Variants in PTPRS observed in about 807,000 individuals in gnomAD.
PTPRS encodes receptor-type tyrosine-protein phosphatase S.
PTPRS carries 63 observed loss-of-function variants against 215.3 expected under a neutral mutation model. The observed-to-expected ratio is 0.29, with a 90% CI of 0.24 to 0.36. The LOEUF (loss-of-function observed/expected upper bound fraction) is 0.36, where lower values mean the gene tolerates loss of function less well. Ranked by LOEUF, PTPRS falls within the 10% of genes least tolerant of loss-of-function variation. PTPRS has a pLI of 1.00. For synonymous variants in PTPRS, 1,404 were observed against 1,191.4 expected (o/e 1.18, Z -3.68); for missense variants, 2,258 against 2,825.8 (o/e 0.80, Z 4.56).
chr19:5,252,742 A>G (rs1317773261), intron 9 of PTPRS, among the ~76,000 whole-genome samples: 1 of 151,144 alleles, frequency 6.6e-6, no homozygotes, highest in Admixed American at 6.6e-5. Flanking sequence ...GGCGTGGTGG[A>G]GGGCAACTGT....
In PTPRS at chr19:5,244,889, C is replaced by T. The variant is rs922840985; in HGVS notation, c.989-407G>A. On this transcript the variant is annotated intron_variant, in intron 10 of 37. Coordinates refer to ENST00000262963, the MANE Select transcript of PTPRS (RefSeq NM_002850.4). The surrounding 1 kb of genome is among the most constrained non-coding windows in gnomAD (Gnocchi z 7.2). The stretch of plus-strand genomic sequence containing the variant: ...TTCACTGTGTTAGCCAGGATGGTCT[C>T]GATCTCCTGACCTCGTGATCCGCCC... Among the ~76,000 whole-genome samples, 2 of 151,952 alleles carry T rather than the reference C, an allele frequency of 1.3e-5. No homozygotes were observed. Among genetic ancestry groups the T allele is most frequent in the Non-Finnish European group, 2.9e-5 (2 of 67,970 alleles).
Position 5,215,362 on chromosome 19 carries a change from C to T in PTPRS, c.4245G>A (p.Val1415=), listed in dbSNP as rs763267222. The T allele has an allele frequency of 2.5e-6, 4 of 1,613,958 alleles. No individual in the cohort carries two copies. The highest frequency in any genetic ancestry group is 1.3e-5 in the African/African-American group (1 of 74,932). ...TGGCATAGCGGTTCTTCGGCTTGTT[C>T]ACTTCCAGGTTGGAATGTTCCCATG... ...QFTWEHSNLE[V]NKPKNRYANV... The change falls in exon 28 of 38, where the codon GTG becomes GTA. Residue 1415 remains valine, a synonymous_variant. Transcript: ENST00000262963.
At chr19:5,217,420 C>T (rs1172162655) in intron 25 of PTPRS, among the ~76,000 whole-genome samples, 1 of 152,088 alleles carries the variant, frequency 6.6e-6, no homozygotes, top group East Asian at 1.9e-4. Flanking sequence ...AGAGAATACA[C>T]GAGGGGTGAT....
At chr19:5,277,758 A>C in intron 2 of PTPRS, 2 of 706,984 alleles carry the variant, frequency 2.8e-6, no homozygotes, top group Non-Finnish European at 5.2e-6. Context: ...ACTCCTCATG[A>C]AGCCCAAGAT....
intron 9 of PTPRS, 117 bp downstream of exon 9, chr19:5,255,991 C>CGT: frequency 1.5e-6 from 1 of 686,198 alleles, no homozygotes; most frequent in Middle Eastern, 3.0e-4. Flanking sequence ...ATTTTTTTTC[C>CGT]GTGTGTGTGT....
chr19:5,206,060 TAAAAAAAAAAA>T lies in PTPRS; in HGVS notation c.*703_*713del, dbSNP rs545658474. On this transcript the variant is annotated 3_prime_UTR_variant, in exon 38 of 38. Coordinates refer to ENST00000262963, the MANE Select transcript of PTPRS (RefSeq NM_002850.4). ...CACACTTTCTGATGGTAGGAAAAAT[TAAAAAAAAAAA>T]AAAAAAAAAAAAAGCCAAGGTACAG... Among the ~76,000 whole-genome samples, 3 of 70,258 alleles carry T rather than the reference TAAAAAAAAAAA, an allele frequency of 4.3e-5. No individual in the cohort carries two copies. The highest frequency in any genetic ancestry group is 8.6e-5 in the Non-Finnish European group (3 of 34,806). 46.1% of individuals were successfully genotyped at this position (70,258 alleles called of 152,430 possible).
chr19:5,271,090 G>A (rs922241738), intron 4 of PTPRS, among the ~76,000 whole-genome samples: 1 of 152,218 alleles, frequency 6.6e-6, no homozygotes, highest in African/African-American at 2.4e-5. Flanking sequence ...CTGCCGTGGA[G>A]GACATTGGAA....
chr19:5,280,369 G>A (rs1451704215), intron 2 of PTPRS, among the ~76,000 whole-genome samples: 1 of 152,200 alleles, frequency 6.6e-6, no homozygotes, highest in Non-Finnish European at 1.5e-5. Context: ...CCTCACTCAA[G>A]GCTCTGCTCC....
At position 5,329,799 on chromosome 19, in the gene PTPRS, G is replaced by A. The variant is rs551649946; in HGVS notation, c.-95+10865C>T. On this transcript the variant is annotated intron_variant, in intron 1 of 37. Coordinates refer to ENST00000262963, the MANE Select transcript of PTPRS (RefSeq NM_002850.4). ...AAAAAAAATTAAGAATTTCCAGGTC[G>A]GGCATGGTGGCTCACGCCTGGGATC... Among the ~76,000 whole-genome samples, 632 of 151,094 alleles carry A rather than the reference G, an allele frequency of 4.2e-3. 8 individuals are homozygous for A. Among genetic ancestry groups the A allele is most frequent in the African/African-American group, 0.014 (571 of 41,146 alleles).
chr19:5,285,916 A>C lies in PTPRS; in HGVS notation c.91+134T>G, dbSNP rs547180602. The C allele has an allele frequency of 5.4e-4, 362 of 673,418 alleles. 2 individuals are homozygous for C. The Middle Eastern group carries it at 7.3e-3, about 14-fold the overall frequency. 41.7% of individuals were successfully genotyped at this position (673,418 alleles called of 1,614,324 possible). ...CCTCAGCATTCAGCCTCATTTGTGG[A>C]GCATAAAAGTTCCATTTGGCAAAAT... On this transcript the variant is annotated intron_variant, in intron 2 of 37. Coordinates refer to ENST00000262963, the MANE Select transcript of PTPRS (RefSeq NM_002850.4).
rs767906049 is a variant in PTPRS, at chr19:5,257,431, C to G, written c.706+586G>C. ...TCCCATCGGCCTGGACTGCCCTTCT[C>G]GGAGAGTCATTAGGAAGAGGCAGAA... On this transcript the variant is annotated intron_variant, in intron 8 of 37. Transcript: ENST00000262963. The surrounding 1 kb of genome is among the most constrained non-coding windows in gnomAD (Gnocchi z 4.4). The G allele has an allele frequency of 2.2e-6, 1 of 458,622 alleles. No homozygotes were observed. The highest frequency in any genetic ancestry group is 2.3e-5 in the Admixed American group (1 of 42,866). 28.4% of individuals were successfully genotyped at this position (458,622 alleles called of 1,614,324 possible).
At chr19:5,268,427 G>C (rs2046619446) in intron 4 of PTPRS, among the ~76,000 whole-genome samples, 2 of 152,050 alleles carry the variant, frequency 1.3e-5, no homozygotes, top group Admixed American at 6.6e-5. Context: ...GGCCCAGATG[G>C]GACATGGGGC....
At chr19:5,213,189 C>T (rs183349446) in intron 30 of PTPRS, among the ~76,000 whole-genome samples, 69 of 152,352 alleles carry the variant, frequency 4.5e-4, no homozygotes, top group African/African-American at 1.5e-3. Context: ...TATCACCACC[C>T]TCTTTGCCGC....
At chr19:5,327,124 T>TGC (rs1296995923) in intron 1 of PTPRS, among the ~76,000 whole-genome samples, 1 of 152,196 alleles carries the variant, frequency 6.6e-6, no homozygotes, top group Non-Finnish European at 1.5e-5. Flanking sequence ...CGACTCGGTC[T>TGC]GCGCAGGGCT....
chr19:5,206,845 G>A lies in PTPRS; in HGVS notation c.5779-3C>T, dbSNP rs781628025. The A allele has an allele frequency of 1.9e-6, 3 of 1,613,766 alleles. No homozygotes were observed. The highest frequency in any genetic ancestry group is 1.7e-5 in the Admixed American group (1 of 59,988). ...TGGTAACAGAACTGGTACTCATCCT[G>A]GGGGAGCAGAGGTGACCTGTTAGTA... is the stretch of plus-strand genomic sequence containing the variant. On this transcript the variant is annotated splice_region_variant and splice_polypyrimidine_tract_variant and intron_variant, in intron 37 of 37. Coordinates refer to ENST00000262963, the MANE Select transcript of PTPRS (RefSeq NM_002850.4).
intron 9 of PTPRS, among the ~76,000 whole-genome samples, chr19:5,247,217 AATT>A (rs553358173): frequency 6.7e-6 from 1 of 149,690 alleles, no homozygotes; most frequent in African/African-American, 2.4e-5. Flanking sequence ...TAATAATAAT[AATT>A]AATAATAATA....
intron 13 of PTPRS, among the ~76,000 whole-genome samples, chr19:5,236,143 T>C (rs1211582339): frequency 6.6e-6 from 1 of 152,254 alleles, no homozygotes; most frequent in East Asian, 1.9e-4. Context: ...CCTGCTGGGC[T>C]TTCTACAGTC....
In PTPRS at chr19:5,338,242, G is replaced by C. The variant is rs75853641; in HGVS notation, c.-95+2422C>G. 0.036 allele frequency among the ~76,000 whole-genome samples: 5,449 copies of C among 152,278 alleles called. 229 individuals are homozygous for C. The highest frequency in any genetic ancestry group is 0.18 in the East Asian group (943 of 5,156). ...CAGGGTGGCAGAAATAGAAAAGTGCGTGAGCTCACCAGGCAGCCTGGGTCT... is the reference window on the plus strand; with the variant it reads ...CAGGGTGGCAGAAATAGAAAAGTGCCTGAGCTCACCAGGCAGCCTGGGTCT... On this transcript the variant is annotated intron_variant, in intron 1 of 37. Transcript: ENST00000262963. The surrounding 1 kb of genome is among the most constrained non-coding windows in gnomAD (Gnocchi z 4.2).
Position 5,274,304 on chromosome 19 carries a change from G to A in PTPRS, c.132C>T (p.Gly44=), listed in dbSNP as rs764980332. The part of the protein sequence containing the change: ...RFIKEPKDQI[G]VSGGVASFVC... ...CGAAAGAGGCCACACCCCCCGACAC[G>A]CCGATCTGGTCCTTGGGTTCTTTGA... The change falls in exon 3 of 38, where the codon GGC becomes GGT. Residue 44 remains glycine, a synonymous_variant. Coordinates refer to ENST00000262963, the MANE Select transcript of PTPRS (RefSeq NM_002850.4). 5.6e-6 allele frequency: 9 copies of A among 1,613,510 alleles called. No homozygotes were observed. Among genetic ancestry groups the A allele is most frequent in the East Asian group, 4.5e-5 (2 of 44,852 alleles).
Sources: allele counts gnomAD v4.1 joint callset (sites outside exome capture counted in the v4.1 genomes callset), GRCh38; gene constraint gnomAD v4.1.1; non-coding constraint Gnocchi (gnomAD v3.1); transcripts MANE v1.5; gene names NCBI Gene and HGNC (gene_info 2026-07-23, HGNC 2026-07-21).